EZH2: variants seen among roughly 807,000 people sequenced by gnomAD.
EZH2 encodes the protein histone-lysine N-methyltransferase EZH2.
EZH2 carries 18 observed loss-of-function variants against 98.4 expected under a neutral mutation model. The observed-to-expected ratio is 0.18, with a 90% CI of 0.13 to 0.27. EZH2 has a LOEUF of 0.27. EZH2 is among the 10% of genes least tolerant of loss of function. The probability of loss-of-function intolerance (pLI) is 1.00; values close to 1 mark genes in which losing one functional copy is unlikely to be tolerated. For missense variants in EZH2, 470 were observed against 935.1 expected, an observed-to-expected ratio of 0.50 and a Z score of 6.49; for synonymous variants, 338 against 312.3, an observed-to-expected ratio of 1.08 and a Z score of -0.87.
In EZH2 at chr7:148,816,708, G is replaced by A. The variant is rs1373185092; in HGVS notation, c.1481C>T (p.Pro494Leu). The change falls in exon 12 of 20, where the codon CCA (proline) becomes CTA (leucine). Residue 494 changes from proline (P) to leucine (L), a missense_variant. Pro to Leu is a moderately conservative substitution (Grantham distance 98). Transcript: ENST00000320356. ...CCGGTGTTTCCTCTTCTTTTTCCTT[G>A]GAGGAGTATCCACATCCTCAGCGGG... ...PAPAEDVDTP[P>L]RKKKRKHRLW... The A allele has an allele frequency of 6.2e-7, 1 of 1,613,626 alleles. No homozygotes were observed.
intron 1 of EZH2, among the ~76,000 whole-genome samples, chr7:148,878,758 G>C (rs1434716779): frequency 1.3e-5 from 2 of 151,936 alleles, no homozygotes; most frequent in African/African-American, 4.8e-5. Flanking sequence ...AATTAGCCAG[G>C]CGTGGTGGCA....
At chr7:148,822,176 A>C (rs899372628) in intron 8 of EZH2, among the ~76,000 whole-genome samples, 16 of 152,344 alleles carry the variant, frequency 1.1e-4, no homozygotes, top group African/African-American at 3.8e-4. Context: ...ATAATCTTGG[A>C]ATGGGAAAGC....
chr7:148,835,504 T>C (rs1030633196), intron 3 of EZH2, among the ~76,000 whole-genome samples: 1 of 151,748 alleles, frequency 6.6e-6, no homozygotes, highest in African/African-American at 2.4e-5. Flanking sequence ...TACTACCAAG[T>C]CTTCTTTCCT....
chr7:148,847,395 G>T, intron 1 of EZH2, 90 bp from the exon 2 acceptor site: 1 of 1,494,504 alleles, frequency 6.7e-7, no homozygotes. Flanking sequence ...CTAACAATCA[G>T]TGAAGAAATG....
intron 3 of EZH2, chr7:148,836,889 CA>C: frequency 3.9e-6 from 2 of 511,950 alleles, no homozygotes; most frequent in Non-Finnish European, 3.8e-6. Context: ...GAAGTCAAGC[CA>C]AAAATAGTAG....
chr7:148,816,378 A>G (rs1352454327), intron 12 of EZH2, among the ~76,000 whole-genome samples: 1 of 152,244 alleles, frequency 6.6e-6, no homozygotes. Context: ...TCATGATGTT[A>G]AAGTAATTGT....
Position 148,820,176 on chromosome 7 carries a change from C to T in EZH2, c.908-489G>A, listed in dbSNP as rs569150302. Among the ~76,000 whole-genome samples the T allele has an allele frequency of 2.0e-5, 3 of 152,296 alleles. No individual in the cohort carries two copies. The East Asian group carries it at 5.8e-4, about 29-fold the overall frequency. On this transcript the variant is annotated intron_variant, in intron 8 of 19. Coordinates refer to ENST00000320356, the MANE Select transcript of EZH2 (RefSeq NM_004456.5). ...GCCCCAGATTACTAACATTCAATTC[C>T]TGTGAATCATACCCAATCCAAGAAC...
At chr7:148,808,806 T>C (rs1209855659) in intron 19 of EZH2, among the ~76,000 whole-genome samples, 1 of 152,170 alleles carries the variant, frequency 6.6e-6, no homozygotes, top group East Asian at 1.9e-4. Context: ...TGAGAAGGTC[T>C]AGGACTCACC....
chr7:148,835,287 G>A (rs1165012560), intron 3 of EZH2, among the ~76,000 whole-genome samples: 1 of 152,026 alleles, frequency 6.6e-6, no homozygotes. Flanking sequence ...GCCCAGCAAG[G>A]TAGCACGTGC....
At chr7:148,844,131 T>C (rs976716199) in intron 3 of EZH2, among the ~76,000 whole-genome samples, 1 of 152,226 alleles carries the variant, frequency 6.6e-6, no homozygotes, top group African/African-American at 2.4e-5. Context: ...AGGAAAGTCT[T>C]TGCCAAACAA....
intron 1 of EZH2, among the ~76,000 whole-genome samples, chr7:148,862,260 C>G (rs1413665545): frequency 6.6e-6 from 1 of 152,142 alleles, no homozygotes; most frequent in East Asian, 1.9e-4. Flanking sequence ...TTAACTCAGG[C>G]ACAATGTTAT....
rs1202502279 is a variant in EZH2 at position 148,839,101 on chromosome 7, G to GAAGGAAGGAAGGAAGA, written c.247-6352_247-6351insTCTTCCTTCCTTCCTT. ...GGAAGGAAGGAAGGAAGGAAGGAAGGAAGGAAAGTGAGTGAGCAAGATGGC... is the reference window on the plus strand; with the variant it reads ...GGAAGGAAGGAAGGAAGGAAGGAAGGAAGGAAGGAAGGAAGAAAGGAAAGTGAGTGAGCAAGATGGC... On this transcript the variant is annotated intron_variant, in intron 3 of 19. Transcript: ENST00000320356. 9.9e-5 allele frequency among the ~76,000 whole-genome samples: 15 copies of GAAGGAAGGAAGGAAGA among 151,696 alleles called. No individual in the cohort carries two copies. In the South Asian group the frequency reaches 3.1e-3, roughly 32 times the overall value.
intron 1 of EZH2, among the ~76,000 whole-genome samples, chr7:148,882,263 GCA>G (rs1821117595): frequency 6.6e-6 from 1 of 152,120 alleles, no homozygotes; most frequent in South Asian, 2.1e-4. Context: ...GTTAGCAGAT[GCA>G]CATTAGATCT....
intron 1 of EZH2, among the ~76,000 whole-genome samples, chr7:148,871,448 T>C (rs1471434233): frequency 2.7e-5 from 4 of 148,990 alleles, no homozygotes; most frequent in Admixed American, 2.7e-4. Flanking sequence ...TAAGACTGGT[T>C]CCAGGACCAC....
intron 9 of EZH2, 113 bp from the exon 10 acceptor site, chr7:148,818,230 AT>A (rs1278215263): frequency 2.8e-5 from 30 of 1,088,016 alleles, no homozygotes; most frequent in Non-Finnish European, 3.9e-5. Flanking sequence ...CACATTATCC[AT>A]TTATCACAAA....
chr7:148,871,403 T>TAAAAAAAAAAAAAAAAAAAAAAAAA (rs71529646), intron 1 of EZH2, among the ~76,000 whole-genome samples: 3 of 88,726 alleles, frequency 3.4e-5, no homozygotes, highest in Admixed American at 1.4e-4. Flanking sequence ...GACGAATAAT[T>TAAAAAAAAAAAAAAAAAAAAAAAAA]AAAAAAAAAA....
At chr7:148,867,884 A>G (rs1363493516) in intron 1 of EZH2, among the ~76,000 whole-genome samples, 1 of 152,248 alleles carries the variant, frequency 6.6e-6, no homozygotes, top group Non-Finnish European at 1.5e-5. Flanking sequence ...TCTCAAGTTT[A>G]AAGTTCAACA....
At chr7:148,857,402 C>T (rs2129487562) in intron 1 of EZH2, among the ~76,000 whole-genome samples, 1 of 152,354 alleles carries the variant, frequency 6.6e-6, no homozygotes, top group Non-Finnish European at 1.5e-5. Flanking sequence ...TGACAACATA[C>T]TGATACTGAT....
intron 3 of EZH2, among the ~76,000 whole-genome samples, chr7:148,840,616 A>T (rs1563003101): frequency 6.6e-6 from 1 of 152,194 alleles, no homozygotes. Context: ...AACTAGTTTC[A>T]TTAGCCCAAC....
Sources: gnomAD v4.1 joint callset for allele counts (sites outside exome capture counted in the v4.1 genomes callset) on GRCh38, gnomAD v4.1.1 for gene constraint, MANE v1.5 for transcripts, NCBI Gene and HGNC (gene_info 2026-07-23, HGNC 2026-07-21) for gene names.